PCCA: variants seen among roughly 807,000 people sequenced by gnomAD.
The protein encoded by PCCA is propionyl-CoA carboxylase alpha chain, mitochondrial.
Under a neutral mutation model 101.3 loss-of-function variants are expected in PCCA, and 74 were observed. The ratio of observed to expected loss-of-function variants is 0.73; its 90% CI spans 0.61 to 0.89. PCCA has a LOEUF of 0.89. Among genes scored for constraint, PCCA ranks in the 40% least tolerant of loss-of-function variants. The pLI, the probability that PCCA is intolerant of heterozygous loss-of-function variation, is 0.00. For missense variants in PCCA, 891 were observed against 907.0 expected (o/e 0.98, Z 0.23); for synonymous variants, 294 against 313.6 (o/e 0.94, Z 0.66).
chr13:100,409,206 C>G (rs2077873465), intron 19 of PCCA, among the ~76,000 whole-genome samples: 1 of 152,130 alleles, frequency 6.6e-6, no homozygotes, highest in Non-Finnish European at 1.5e-5. Flanking sequence ...GGTGGGGGCA[C>G]AGTTTCCTCC....
chr13:100,311,769 C>G (rs1489127173), intron 16 of PCCA, among the ~76,000 whole-genome samples: 1 of 151,576 alleles, frequency 6.6e-6, no homozygotes, highest in African/African-American at 2.4e-5. Flanking sequence ...GACTCTGTCT[C>G]CAAAAAAATA....
intron 18 of PCCA, among the ~76,000 whole-genome samples, chr13:100,351,138 C>T (rs1376181632): frequency 6.6e-6 from 1 of 152,126 alleles, no homozygotes; most frequent in Admixed American, 6.5e-5. Flanking sequence ...TGAATTGAAA[C>T]TAAATCAACA....
intron 8 of PCCA, among the ~76,000 whole-genome samples, 190 bp from the exon 9 acceptor site, chr13:100,257,405 A>T (rs528233204): frequency 1.3e-5 from 2 of 151,944 alleles, no homozygotes; most frequent in East Asian, 1.9e-4. Context: ...AAATGGTCAC[A>T]CTCTCATTTT....
chr13:100,343,409 G>A (rs1362387408), intron 18 of PCCA, among the ~76,000 whole-genome samples: 1 of 152,156 alleles, frequency 6.6e-6, no homozygotes, highest in Non-Finnish European at 1.5e-5. Flanking sequence ...ATAAAAAGTG[G>A]CATATCCATA....
chr13:100,199,907 G>A (rs1022556670), intron 6 of PCCA, among the ~76,000 whole-genome samples: 2 of 152,076 alleles, frequency 1.3e-5, no homozygotes, highest in East Asian at 3.9e-4. Context: ...CAATTCTTTT[G>A]AAGAAATCAC....
chr13:100,169,701 T>TG (rs2055432508), intron 6 of PCCA, among the ~76,000 whole-genome samples: 1 of 63,254 alleles, frequency 1.6e-5, no homozygotes, highest in Non-Finnish European at 3.1e-5. Context: ...CTAATTTCTG[T>TG]ATTTTTTTTT....
intron 17 of PCCA, among the ~76,000 whole-genome samples, chr13:100,336,809 T>C (rs1003533254): frequency 2.6e-5 from 4 of 152,164 alleles, no homozygotes; most frequent in African/African-American, 9.7e-5. Context: ...GGCTCTAAGC[T>C]TGAATGTTGT....
chr13:100,335,481 A>G (rs903823586), intron 17 of PCCA, among the ~76,000 whole-genome samples: 1 of 152,210 alleles, frequency 6.6e-6, no homozygotes, highest in Non-Finnish European at 1.5e-5. Context: ...AACCCTTCAG[A>G]AGTCTCAATA....
At chr13:100,386,567 C>G (rs2152835040) in intron 19 of PCCA, among the ~76,000 whole-genome samples, 1 of 152,252 alleles carries the variant, frequency 6.6e-6, no homozygotes, top group Non-Finnish European at 1.5e-5. Context: ...ATTTTTAGTA[C>G]AGACGTGGTT....
At chr13:100,276,213 CAAAAAAAAAAAAAAAA>C (rs59671834) in intron 12 of PCCA, among the ~76,000 whole-genome samples, 46,508 of 104,832 alleles carry the variant, frequency 0.44, 9,007 homozygotes, top group East Asian at 0.7. Flanking sequence ...TTGTCTGTAC[CAAAAAAAAAAAAAAAA>C]AAAAAAAAAA....
intron 4 of PCCA, among the ~76,000 whole-genome samples, chr13:100,133,296 G>C (rs553860155): frequency 1.6e-4 from 25 of 152,296 alleles, no homozygotes; most frequent in African/African-American, 6.0e-4. Context: ...CCGAATACAG[G>C]TCCTTTGTTG....
intron 4 of PCCA, among the ~76,000 whole-genome samples, chr13:100,118,196 G>T (rs1251116350): frequency 6.6e-6 from 1 of 151,164 alleles, no homozygotes; most frequent in Non-Finnish European, 1.5e-5. Context: ...TCATCTCGCA[G>T]TAATAAGTAT....
At chr13:100,268,384 T>C (rs748305012) in intron 10 of PCCA, among the ~76,000 whole-genome samples, 9 of 152,208 alleles carry the variant, frequency 5.9e-5, no homozygotes, top group Non-Finnish European at 1.2e-4. Context: ...TTTATCCCCT[T>C]CACTAACACT....
chr13:100,425,572 G>T, intron 19 of PCCA, 61 bp from the exon 20 acceptor site: 1 of 1,139,158 alleles, frequency 8.8e-7, no homozygotes, highest in Non-Finnish European at 1.3e-6. Flanking sequence ...ATGCAGCAAT[G>T]AACTTGAGAT....
At chr13:100,470,653 AAAAAAATAAAAAT>A (rs2082933415) in intron 21 of PCCA, among the ~76,000 whole-genome samples, 1 of 152,092 alleles carries the variant, frequency 6.6e-6, no homozygotes. Flanking sequence ...TTGTCTCTGC[AAAAAAATAAAAAT>A]AAAAAATAAA....
chr13:100,365,149 T>C (rs949934217), intron 18 of PCCA, among the ~76,000 whole-genome samples: 4 of 152,156 alleles, frequency 2.6e-5, no homozygotes, highest in Non-Finnish European at 5.9e-5. Context: ...CTGATACACT[T>C]TTACAGGTGT....
At chr13:100,491,803 G>A (rs2152981585) in intron 21 of PCCA, 1 of 1,111,718 alleles carries the variant, frequency 9.0e-7, no homozygotes, top group Non-Finnish European at 1.1e-6. Context: ...TCCAATAAAT[G>A]TAAATATTTT....
chr13:100,305,664 A>G (rs2066386493), intron 14 of PCCA: 1 of 266,222 alleles, frequency 3.8e-6, no homozygotes, highest in Non-Finnish European at 7.7e-6. Context: ...CCCGTTTACT[A>G]GTTGCCATTT....
rs531265841 is a variant in PCCA at position 100,518,959 on chromosome 13, A to G, written c.2040+3392A>G. ...GTAGAATACATTTTTCCACATGTCA[A>G]ATTAGACTTATAGCTGCTGAATTTA... On this transcript the variant is annotated intron_variant, in intron 22 of 23. Transcript: ENST00000376285. 8.3e-4 allele frequency among the ~76,000 whole-genome samples: 127 copies of G among 152,366 alleles called. 1 individual carries two copies. The highest frequency in any genetic ancestry group is 1.4e-3 in the Admixed American group (22 of 15,304).
Sources: allele counts gnomAD v4.1 joint callset (sites outside exome capture counted in the v4.1 genomes callset), GRCh38; gene constraint gnomAD v4.1.1; transcripts MANE v1.5; gene names NCBI Gene and HGNC (gene_info 2026-07-23, HGNC 2026-07-21).